Variants in ZMAT4 observed in about 807,000 individuals in gnomAD.
ZMAT4 encodes zinc finger matrin-type protein 4.
A neutral mutation model predicts 28.7 loss-of-function variants in ZMAT4; 17 were observed. The observed-to-expected ratio is 0.59, with a 90% confidence interval of 0.41 to 0.89. The LOEUF (loss-of-function observed/expected upper bound fraction) is 0.89. ZMAT4 is among the 40% of genes least tolerant of loss of function. The pLI, the probability that ZMAT4 is intolerant of heterozygous loss-of-function variation, is 0.00. For synonymous variants in ZMAT4, 117 were observed against 109.2 expected (o/e 1.07, Z -0.44); for missense variants, 240 against 283.8 (o/e 0.85, Z 1.11).
intron 1 of ZMAT4, among the ~76,000 whole-genome samples, chr8:40,883,268 C>A (rs1818342748): frequency 6.6e-6 from 1 of 152,186 alleles, no homozygotes; most frequent in South Asian, 2.1e-4. Flanking sequence ...TTCCAAAACC[C>A]CAAGGCAGTT....
intron 2 of ZMAT4, among the ~76,000 whole-genome samples, chr8:40,801,137 T>A (rs1048298838): frequency 6.6e-6 from 1 of 151,572 alleles, no homozygotes; most frequent in Non-Finnish European, 1.5e-5. Context: ...GGGACCAATT[T>A]CTTAAAAGAC....
chr8:40,814,241 T>G (rs1179487276), intron 2 of ZMAT4, among the ~76,000 whole-genome samples: 1 of 152,194 alleles, frequency 6.6e-6, no homozygotes, highest in Admixed American at 6.5e-5. Flanking sequence ...CCTCCAAGTA[T>G]CAGAAGAGAT....
At chr8:40,623,315 G>A (rs1165611754) in intron 5 of ZMAT4, among the ~76,000 whole-genome samples, 1 of 152,186 alleles carries the variant, frequency 6.6e-6, no homozygotes, top group Non-Finnish European at 1.5e-5. Flanking sequence ...GCAGATTCTG[G>A]AGCCTACTCT....
intron 1 of ZMAT4, among the ~76,000 whole-genome samples, chr8:40,857,372 A>C (rs957759436): frequency 5.3e-5 from 8 of 152,152 alleles, no homozygotes; most frequent in Admixed American, 1.3e-4. Flanking sequence ...CTCTTAAAAA[A>C]AAAAACAAAA....
At chr8:40,859,376 C>T (rs1817408939) in intron 1 of ZMAT4, among the ~76,000 whole-genome samples, 1 of 152,158 alleles carries the variant, frequency 6.6e-6, no homozygotes, top group Admixed American at 6.5e-5. Flanking sequence ...TCCTCCTCCC[C>T]TGACAGGAGT....
intron 5 of ZMAT4, among the ~76,000 whole-genome samples, chr8:40,602,199 G>A (rs922196220): frequency 6.6e-6 from 1 of 152,070 alleles, no homozygotes; most frequent in Admixed American, 6.6e-5. Context: ...TATTTTGTTC[G>A]TTTTTATGGC....
At chr8:40,641,323 G>GA (rs553414067) in intron 5 of ZMAT4, among the ~76,000 whole-genome samples, 3 of 151,832 alleles carry the variant, frequency 2.0e-5, no homozygotes, top group African/African-American at 7.2e-5. Flanking sequence ...CAATATAATG[G>GA]AAAAAAAAGT....
intron 1 of ZMAT4, among the ~76,000 whole-genome samples, chr8:40,861,818 A>T (rs934691740): frequency 6.6e-6 from 1 of 152,230 alleles, no homozygotes; most frequent in African/African-American, 2.4e-5. Flanking sequence ...CACATGAAAA[A>T]ATGCTCATCA....
chr8:40,637,801 T>C (rs1026342817), intron 5 of ZMAT4, among the ~76,000 whole-genome samples: 2 of 152,238 alleles, frequency 1.3e-5, no homozygotes, highest in African/African-American at 4.8e-5. Context: ...TACAATAGTA[T>C]ATAGCACGTG....
chr8:40,705,129 AG>A, intron 3 of ZMAT4, among the ~76,000 whole-genome samples: 1 of 152,218 alleles, frequency 6.6e-6, no homozygotes, highest in East Asian at 1.9e-4. Context: ...TACTGAAGAG[AG>A]TTGAAGAATT....
intron 3 of ZMAT4, among the ~76,000 whole-genome samples, chr8:40,717,178 G>T (rs1554544948): frequency 2.0e-5 from 3 of 152,150 alleles, no homozygotes; most frequent in Non-Finnish European, 2.9e-5. Context: ...TGCACACAAT[G>T]AAGGTCCTTA....
At chr8:40,689,333 A>G (rs1809558122) in intron 4 of ZMAT4, among the ~76,000 whole-genome samples, 1 of 152,240 alleles carries the variant, frequency 6.6e-6, no homozygotes. Flanking sequence ...AGGATACTCC[A>G]GTGAATGGCT....
intron 1 of ZMAT4, among the ~76,000 whole-genome samples, chr8:40,878,566 G>T (rs1044681042): frequency 6.6e-6 from 1 of 152,184 alleles, no homozygotes; most frequent in Non-Finnish European, 1.5e-5. Context: ...ATACTCAGCA[G>T]GGAATGTCTA....
chr8:40,801,341 TAAAAA>T (rs201742506), intron 2 of ZMAT4, among the ~76,000 whole-genome samples: 16 of 114,584 alleles, frequency 1.4e-4, no homozygotes, highest in African/African-American at 4.7e-4. Flanking sequence ...ATACTTTCTT[TAAAAA>T]AAAAAATATA....
chr8:40,609,453 A>G (rs894337106), intron 5 of ZMAT4, among the ~76,000 whole-genome samples: 5 of 151,966 alleles, frequency 3.3e-5, no homozygotes, highest in African/African-American at 1.2e-4. Context: ...CCACCACTTC[A>G]CCTTGAGCAT....
At chr8:40,849,270 A>C (rs969253163) in intron 1 of ZMAT4, among the ~76,000 whole-genome samples, 1 of 152,234 alleles carries the variant, frequency 6.6e-6, no homozygotes, top group Non-Finnish European at 1.5e-5. Flanking sequence ...CCCTGTTTTC[A>C]TCATCTTCTA....
chr8:40,892,205 A>C (rs1291521181), intron 1 of ZMAT4, among the ~76,000 whole-genome samples: 1 of 152,206 alleles, frequency 6.6e-6, no homozygotes, highest in East Asian at 1.9e-4. Flanking sequence ...TCATTTATCC[A>C]GGGAGAAGTT....
chr8:40,708,723 C>G (rs1280222152), intron 3 of ZMAT4, among the ~76,000 whole-genome samples: 1 of 149,364 alleles, frequency 6.7e-6, no homozygotes, highest in Middle Eastern at 3.3e-3. Flanking sequence ...AATCTCAGCT[C>G]ACTGCAACCT....
intron 2 of ZMAT4, among the ~76,000 whole-genome samples, chr8:40,822,783 ATCAT>A (rs1431854864): frequency 6.6e-6 from 1 of 152,198 alleles, no homozygotes; most frequent in Non-Finnish European, 1.5e-5. Context: ...GGAGGGAAAT[ATCAT>A]TCAGAGTTCC....
Sources: gnomAD v4.1 joint callset for allele counts (sites outside exome capture counted in the v4.1 genomes callset) on GRCh38, gnomAD v4.1.1 for gene constraint, MANE v1.5 for transcripts, NCBI Gene and HGNC (gene_info 2026-07-23, HGNC 2026-07-21) for gene names.